Variants in FARSB observed in about 807,000 individuals in gnomAD.
FARSB encodes phenylalanyl-tRNA synthetase subunit beta.
Under a neutral mutation model 69.6 loss-of-function variants are expected in FARSB, and 40 were observed. The ratio of observed to expected loss-of-function variants is 0.57; its 90% confidence interval spans 0.45 to 0.75. The LOEUF (loss-of-function observed/expected upper bound fraction) is 0.75. FARSB is among the 30% of genes least tolerant of loss of function. The pLI is 0.00. For missense variants in FARSB, 632 were observed against 722.9 expected (o/e 0.87, Z 1.44); for synonymous variants, 235 against 247.2 (o/e 0.95, Z 0.46).
intron 16 of FARSB, among the ~76,000 whole-genome samples, chr2:222,575,250 A>C (rs1473051192): frequency 6.6e-6 from 1 of 152,266 alleles, no homozygotes; most frequent in Non-Finnish European, 1.5e-5. Context: ...TTCCAGAAAT[A>C]AAAACAGTCA....
intron 16 of FARSB, among the ~76,000 whole-genome samples, chr2:222,580,122 T>C (rs1323866553): frequency 6.6e-6 from 1 of 151,672 alleles, no homozygotes; most frequent in Non-Finnish European, 1.5e-5. Flanking sequence ...TACATGAATA[T>C]TATACATAAT....
chr2:222,575,815 C>G (rs1250968622), intron 16 of FARSB, among the ~76,000 whole-genome samples: 1 of 152,134 alleles, frequency 6.6e-6, no homozygotes. Context: ...TGTGCTCAGA[C>G]GGCAGGACCA....
Position 222,628,870 on chromosome 2 carries a change from C to A in FARSB, c.867G>T (p.Val289=), listed in dbSNP as rs759069896. The A allele has an allele frequency of 1.1e-5, 17 of 1,609,046 alleles. No individual in the cohort carries two copies. The highest frequency in any genetic ancestry group is 1.3e-5 in the African/African-American group (1 of 74,738). The part of the protein sequence containing the change: ...ENQFTVEAAE[V]VFPNGKSHTF... ...TATGTGATTTTCCATTAGGAAAAAC[C>A]ACTTCAGCAGCTTCGACCCTGAAAA... The change falls in exon 10 of 17, where the codon GTG becomes GTT. Residue 289 remains valine, a synonymous_variant. Coordinates refer to ENST00000281828, the MANE Select transcript of FARSB (RefSeq NM_005687.5).
Position 222,600,048 on chromosome 2 carries a change from C to T in FARSB, c.1498G>A (p.Val500Ile), listed in dbSNP as rs1690521791. The T allele has an allele frequency of 1.9e-6, 3 of 1,611,534 alleles. No homozygotes were observed. The African/African-American group carries it at 4.0e-5, about 22-fold the overall frequency. ...AACCCAGGATTCTTGTTGTAATAAA[C>T]AGCACAGAGATGTCTGTAGTTTTTT... is the stretch of plus-strand genomic sequence containing the variant. The part of the protein sequence containing the change: ...GAKNYRHLCA[V>I]YYNKNPGFEI... The change falls in exon 16 of 17, where the codon GTT (valine) becomes ATT (isoleucine). Residue 500 changes from valine (V) to isoleucine (I), a missense_variant. Transcript: ENST00000281828.
chr2:222,652,645 C>T (rs1692067716), intron 1 of FARSB, among the ~76,000 whole-genome samples: 1 of 152,192 alleles, frequency 6.6e-6, no homozygotes, highest in Admixed American at 6.6e-5. Context: ...GGTTTGCCAA[C>T]AACCACTTGA....
chr2:222,623,584 T>C, intron 13 of FARSB, 66 bp downstream of exon 13: 7 of 890,976 alleles, frequency 7.9e-6, no homozygotes, highest in South Asian at 2.6e-5. Flanking sequence ...TAAAGCATCA[T>C]AGAATAAATA....
intron 15 of FARSB, among the ~76,000 whole-genome samples, chr2:222,608,842 A>G (rs1269594159): frequency 1.3e-5 from 2 of 152,218 alleles, no homozygotes; most frequent in Non-Finnish European, 2.9e-5. Context: ...AGTGACACTA[A>G]CTGGAGCCCT....
chr2:222,647,229 C>T (rs1430450360), intron 2 of FARSB, among the ~76,000 whole-genome samples: 1 of 152,216 alleles, frequency 6.6e-6, no homozygotes, highest in African/African-American at 2.4e-5. Flanking sequence ...GTTATGCCCA[C>T]AGCTGATGGT....
At chr2:222,597,008 T>C (rs1369415895) in intron 16 of FARSB, among the ~76,000 whole-genome samples, 1 of 152,190 alleles carries the variant, frequency 6.6e-6, no homozygotes, top group African/African-American at 2.4e-5. Flanking sequence ...TTTGTAATGA[T>C]ACCAATTCTC....
intron 16 of FARSB, among the ~76,000 whole-genome samples, chr2:222,599,551 C>A (rs1367317111): frequency 6.6e-6 from 1 of 152,142 alleles, no homozygotes. Context: ...AGCCATCAGA[C>A]AGGCAGCTTT....
In FARSB at chr2:222,628,844, G is replaced by A. The variant is rs773534672; in HGVS notation, c.893C>T (p.Thr298Ile). The A allele has an allele frequency of 2.5e-6, 4 of 1,600,060 alleles. No homozygotes were observed. Among genetic ancestry groups the A allele is most frequent in the Middle Eastern group, 1.7e-4 (1 of 6,052 alleles). Residue 298 changes from threonine (T) to isoleucine (I), a missense_variant, in exon 10 of 17, where the codon ACC (threonine) becomes ATC (isoleucine). Transcript: ENST00000281828. ...EVVFPNGKSH[T>I]FPELAYRKEM... ...CATTTCTTAAGCACTTACTGGAAAG[G>A]TATGTGATTTTCCATTAGGAAAAAC...
intron 14 of FARSB, among the ~76,000 whole-genome samples, chr2:222,617,437 C>T (rs1691026322): frequency 6.6e-6 from 1 of 152,132 alleles, no homozygotes; most frequent in Admixed American, 6.6e-5. Context: ...GAATACAAGG[C>T]GAAGAGAGAG....
chr2:222,612,608 T>A (rs1173580710), intron 15 of FARSB, among the ~76,000 whole-genome samples: 1 of 152,238 alleles, frequency 6.6e-6, no homozygotes, highest in Admixed American at 6.5e-5. Flanking sequence ...GAACACACTC[T>A]GAATTCTGCA....
chr2:222,626,243 CAAAAAAA>C (rs36117232), intron 10 of FARSB, among the ~76,000 whole-genome samples: 1 of 56,972 alleles, frequency 1.8e-5, no homozygotes, highest in Admixed American at 2.1e-4. Context: ...GACTCCATCT[CAAAAAAA>C]AAAAAAAAAA....
intron 16 of FARSB, among the ~76,000 whole-genome samples, chr2:222,578,607 C>G (rs952324156): frequency 6.6e-6 from 1 of 151,556 alleles, no homozygotes; most frequent in Non-Finnish European, 1.5e-5. Flanking sequence ...TGGGGGCCAA[C>G]GCGGGAAGAT....
At chr2:222,589,934 A>C (rs1325290013) in intron 16 of FARSB, among the ~76,000 whole-genome samples, 1 of 152,232 alleles carries the variant, frequency 6.6e-6, no homozygotes, top group Non-Finnish European at 1.5e-5. Context: ...AAACTAGTTC[A>C]ACCATTGTGG....
At position 222,633,261 on chromosome 2, in the gene FARSB, G is replaced by T; in HGVS notation, c.653C>A (p.Pro218His). 2 of 1,582,526 alleles carry T rather than the reference G, an allele frequency of 1.3e-6. No individual in the cohort carries two copies. Among genetic ancestry groups the T allele is most frequent in the Non-Finnish European group, 8.6e-7 (1 of 1,160,510 alleles). Residue 218 changes from proline (P) to histidine (H), a missense_variant, in exon 7 of 17, where the codon CCC becomes CAC. By Grantham distance (77) the Pro-to-His change is moderately conservative (BLOSUM62 -2). Transcript: ENST00000281828. The stretch of plus-strand genomic sequence containing the variant: ...GCTATCATAGATAACTGGATACAGG[G>T]GTTTGTTTTCAATGATATGTAAATA... ...KHYLHIIENK[P>H]LYPVIYDSNG...
chr2:222,629,201 T>C (rs534496722), intron 9 of FARSB, among the ~76,000 whole-genome samples: 2 of 152,168 alleles, frequency 1.3e-5, no homozygotes, highest in African/African-American at 4.8e-5. Context: ...ACCAGGGCAG[T>C]GTGTTACATA....
At chr2:222,639,202 T>A (rs1370468954) in intron 5 of FARSB, among the ~76,000 whole-genome samples, 5 of 152,210 alleles carry the variant, frequency 3.3e-5, no homozygotes, top group African/African-American at 9.7e-5. Flanking sequence ...TCATACTTCA[T>A]TAACACGGTT....
Sources: gnomAD v4.1 joint callset for allele counts (sites outside exome capture counted in the v4.1 genomes callset) on GRCh38, gnomAD v4.1.1 for gene constraint, MANE v1.5 for transcripts, NCBI Gene and HGNC (gene_info 2026-07-23, HGNC 2026-07-21) for gene names.